The following SLC12A7 variants were observed in gnomAD, a reference collection of about 807,000 sequenced individuals.
SLC12A7 encodes solute carrier family 12 member 7.
A neutral mutation model predicts 120.6 loss-of-function variants in SLC12A7; 100 were observed. The ratio of observed to expected loss-of-function variants is 0.83; its 90% CI spans 0.71 to 0.98. The LOEUF is 0.98. Ranked by LOEUF, SLC12A7 falls within the 50% of genes least tolerant of loss-of-function variation. The pLI is 0.00. For synonymous variants in SLC12A7, 760 were observed against 678.0 expected (o/e 1.12, Z -1.88); for missense variants, 1,373 against 1,548.1 (o/e 0.89, Z 1.90).
chr5:1,096,267 G>GGGCAGGA (rs1427320672), intron 1 of SLC12A7, among the ~76,000 whole-genome samples: 2 of 152,216 alleles, frequency 1.3e-5, no homozygotes, highest in Admixed American at 6.5e-5. Context: ...ACCTGGGGCA[G>GGGCAGGA]GGCAGGAGGC....
the SLC12A7 span, among the ~76,000 whole-genome samples, chr5:1,154,759 C>T: frequency 5.1e-3 from 748 of 146,270 alleles, 7 homozygotes; most frequent in Middle Eastern, 0.047. Flanking sequence ...CAGGGCCCGT[C>T]GGAGCCCTTC....
the SLC12A7 span, among the ~76,000 whole-genome samples, chr5:1,146,343 G>A: frequency 7.4e-6 from 1 of 134,596 alleles, no homozygotes; most frequent in Non-Finnish European, 1.6e-5. The surrounding 1 kb of genome is among the most constrained non-coding windows in gnomAD (Gnocchi z 6.5). Flanking sequence ...CTGGGCCAGT[G>A]ACCACGGACC....
At chr5:1,067,174 G>A (rs549680691) in intron 17 of SLC12A7, among the ~76,000 whole-genome samples, 2 of 152,204 alleles carry the variant, frequency 1.3e-5, no homozygotes, top group Admixed American at 6.5e-5. Context: ...GGCGCAAGAC[G>A]GGACAGGGTG....
chr5:1,066,119 C>T (rs770189744), intron 17 of SLC12A7, among the ~76,000 whole-genome samples: 1 of 152,202 alleles, frequency 6.6e-6, no homozygotes, highest in South Asian at 2.1e-4. Context: ...GCCTCCCACC[C>T]TCTGACCTTC....
intron 22 of SLC12A7, 27 bp from the exon 23 acceptor site, chr5:1,053,509 G>C (rs765381501): frequency 1.9e-6 from 3 of 1,608,750 alleles, no homozygotes; most frequent in Admixed American, 3.4e-5. Context: ...CACGGTCAGC[G>C]GGCGGCGGGT....
chr5:1,080,852 C>G (rs1176318401), intron 9 of SLC12A7, among the ~76,000 whole-genome samples: 1 of 152,256 alleles, frequency 6.6e-6, no homozygotes, highest in Non-Finnish European at 1.5e-5. Flanking sequence ...ACAACAGCTT[C>G]TCCTGACACA....
intron 5 of SLC12A7, 152 bp from the exon 6 acceptor site, chr5:1,087,185 A>T (rs1739961497): frequency 9.4e-7 from 1 of 1,060,196 alleles, no homozygotes; most frequent in African/African-American, 1.6e-5. Context: ...GCACATGGAG[A>T]CGCTTCCACG....
chr5:1,147,895 C>T, the SLC12A7 span, among the ~76,000 whole-genome samples: 15 of 152,130 alleles, frequency 9.9e-5, no homozygotes, highest in Non-Finnish European at 1.9e-4. Flanking sequence ...CCACGCCTGG[C>T]TAATTTTTAG....
intron 7 of SLC12A7, among the ~76,000 whole-genome samples, chr5:1,084,531 C>T (rs879281304): frequency 1.1e-4 from 17 of 152,322 alleles, no homozygotes; most frequent in Admixed American, 9.8e-4. Flanking sequence ...CAGGCCTGTA[C>T]GTGGAAAACA....
the SLC12A7 span, among the ~76,000 whole-genome samples, chr5:1,123,013 C>T: frequency 6.6e-6 from 1 of 152,236 alleles, no homozygotes; most frequent in Non-Finnish European, 1.5e-5. Context: ...GCCTACGCTC[C>T]TCTGTCCTGT....
At chr5:1,155,372 G>T in the SLC12A7 span, among the ~76,000 whole-genome samples, 1 of 152,276 alleles carries the variant, frequency 6.6e-6, no homozygotes, top group South Asian at 2.1e-4. Context: ...ACCCCGTCTG[G>T]ACTCTGCAGC....
At chr5:1,134,859 C>A in the SLC12A7 span, among the ~76,000 whole-genome samples, 7 of 152,134 alleles carry the variant, frequency 4.6e-5, no homozygotes, top group African/African-American at 1.7e-4. Context: ...CACGGCCAGG[C>A]GCGGTGGCTC....
At chr5:1,125,123 G>C in the SLC12A7 span, among the ~76,000 whole-genome samples, 1 of 152,218 alleles carries the variant, frequency 6.6e-6, no homozygotes, top group Non-Finnish European at 1.5e-5. Context: ...GGTTGAGAGA[G>C]GAGCTCTGAC....
rs200431016 is a variant in SLC12A7, at chr5:1,065,331, C to T, written c.2389G>A (p.Ala797Thr). The T allele has an allele frequency of 2.6e-5, 41 of 1,598,528 alleles. No individual in the cohort carries two copies. The African/African-American group carries it at 3.2e-4, about 13-fold the overall frequency. ...GGGTTGTCCTCCTGCTTCCAGGATG[C>T]GGGCCAGGCCATGAGCACCGTGTTG... is the stretch of plus-strand genomic sequence containing the variant. ...KHNTVLMAWP[A>T]SWKQEDNPFS... Residue 797 changes from alanine (A) to threonine (T), a missense_variant, in exon 18 of 24, where the codon GCA becomes ACA. Coordinates refer to ENST00000264930, the MANE Select transcript of SLC12A7 (RefSeq NM_006598.3).
the SLC12A7 span, among the ~76,000 whole-genome samples, chr5:1,145,837 CT>C: frequency 2.6e-5 from 4 of 152,004 alleles, no homozygotes; most frequent in African/African-American, 9.7e-5. The surrounding 1 kb of genome is among the most constrained non-coding windows in gnomAD (Gnocchi z 4.4). Flanking sequence ...CTTGCATTTT[CT>C]TTTTGGTATT....
rs1467762353 is a variant in SLC12A7 at position 1,085,233 on chromosome 5, G to A, written c.916C>T (p.Pro306Ser). The A allele has an allele frequency of 6.2e-7, 1 of 1,612,416 alleles. No homozygotes were observed. The highest frequency in any genetic ancestry group is 1.7e-5 in the Admixed American group (1 of 59,994). Residue 306 changes from proline to serine, a missense_variant and splice_region_variant, in exon 7 of 24, where the codon CCG (proline) becomes TCG (serine). Transcript: ENST00000264930. ...CGGCTCAGAGGCCCCGAGACTCACG[G>A]GATGTCCGGGGGGTCGAAGGCAGAC... is the stretch of plus-strand genomic sequence containing the variant. ...IKSAFDPPDIPVCLLGNRTLS... is the reference protein window; with the variant it reads ...IKSAFDPPDISVCLLGNRTLS...
At chr5:1,088,191 A>AC (rs1561083707) in intron 5 of SLC12A7, 115 bp downstream of exon 5, 4 of 987,792 alleles carry the variant, frequency 4.0e-6, no homozygotes, top group Middle Eastern at 2.5e-4. Flanking sequence ...CCCGGCTGAG[A>AC]CCCCCAGGCA....
At chr5:1,130,450 G>A in the SLC12A7 span, among the ~76,000 whole-genome samples, 15 of 126,912 alleles carry the variant, frequency 1.2e-4, no homozygotes, top group South Asian at 3.5e-3. Flanking sequence ...TGAAAGCCCC[G>A]CCCCCACCCC....
chr5:1,088,966 G>A lies in SLC12A7; in HGVS notation c.489+16C>T, dbSNP rs749368124. The stretch of plus-strand genomic sequence containing the variant: ...CCGCCCGAAGGCACAGCCACACCTG[G>A]CCGGGGGAGACTCACACATGTGCAG... On this transcript the variant is annotated intron_variant, in intron 4 of 23. Transcript: ENST00000264930. 4 of 1,612,478 alleles carry A rather than the reference G, an allele frequency of 2.5e-6. No individual in the cohort carries two copies. In the South Asian group the frequency reaches 4.4e-5, roughly 18 times the overall value.
Sources: gnomAD v4.1 joint callset for allele counts (sites outside exome capture counted in the v4.1 genomes callset) on GRCh38, gnomAD v4.1.1 for gene constraint, Gnocchi (gnomAD v3.1) non-coding constraint, MANE v1.5 for transcripts, NCBI Gene and HGNC (gene_info 2026-07-23, HGNC 2026-07-21) for gene names.